The following RASSF2 variants were observed in gnomAD, a reference collection of about 807,000 sequenced individuals.
The protein encoded by RASSF2 is Ras association domain family member 2.
In RASSF2, 34 loss-of-function variants were observed where a neutral mutation model predicts 46.3. The ratio of observed to expected loss-of-function variants is 0.73; its 90% confidence interval spans 0.56 to 0.98. The LOEUF (loss-of-function observed/expected upper bound fraction) is 0.98. RASSF2 is among the 50% of genes least tolerant of loss of function. The pLI, the probability that RASSF2 is intolerant of heterozygous loss-of-function variation, is 0.00. For missense variants in RASSF2, 364 were observed against 431.2 expected (o/e 0.84, Z 1.38); for synonymous variants, 158 against 162.5 (o/e 0.97, Z 0.21).
At chr20:4,796,463 C>G (rs891173142) in intron 4 of RASSF2, among the ~76,000 whole-genome samples, 1 of 152,212 alleles carries the variant, frequency 6.6e-6, no homozygotes, top group Non-Finnish European at 1.5e-5. Flanking sequence ...ACTAGCTCCT[C>G]TAGCAGATGA....
chr20:4,804,128 A>T (rs1927139535), intron 2 of RASSF2, among the ~76,000 whole-genome samples: 1 of 152,100 alleles, frequency 6.6e-6, no homozygotes, highest in South Asian at 2.1e-4. Flanking sequence ...AGTTTTGGTA[A>T]CTTGTTACTG....
intron 3 of RASSF2, among the ~76,000 whole-genome samples, chr20:4,798,845 C>CAAAAA: frequency 7.9e-6 from 1 of 127,256 alleles, no homozygotes; most frequent in South Asian, 2.4e-4. Flanking sequence ...AACAAACAAA[C>CAAAAA]AAAAAAAAAA....
chr20:4,818,468 C>G (rs1208611615), intron 2 of RASSF2, among the ~76,000 whole-genome samples: 1 of 152,100 alleles, frequency 6.6e-6, no homozygotes. Context: ...AGTCATGGCC[C>G]GATGTGTGCT....
intron 5 of RASSF2, among the ~76,000 whole-genome samples, chr20:4,793,956 C>T (rs1159638424): frequency 2.0e-5 from 3 of 152,170 alleles, no homozygotes; most frequent in African/African-American, 7.2e-5. Flanking sequence ...CCTTTAGCAG[C>T]CCAAACCAAA....
At chr20:4,821,025 C>T (rs1275387726) in intron 2 of RASSF2, among the ~76,000 whole-genome samples, 1 of 152,172 alleles carries the variant, frequency 6.6e-6, no homozygotes, top group Non-Finnish European at 1.5e-5. Flanking sequence ...GCAGCAGATG[C>T]ACACCCTGGG....
chr20:4,795,666 T>G lies in RASSF2; in HGVS notation c.287+149A>C. 1.0e-6 allele frequency: 1 copy of G among 971,450 alleles called. No homozygotes were observed. The highest frequency in any genetic ancestry group is 1.5e-6 in the Non-Finnish European group (1 of 669,248). 60.2% of individuals were successfully genotyped at this position (971,450 alleles called of 1,614,324 possible). On this transcript the variant is annotated intron_variant, in intron 5 of 11. Coordinates refer to ENST00000379400, the MANE Select transcript of RASSF2 (RefSeq NM_014737.3). The surrounding 1 kb of genome is among the most constrained non-coding windows in gnomAD (Gnocchi z 4.0). Reference sequence around the variant, plus strand: ...ACCACATCTGCTGCTTGTTCCTCATTCCAAGGCTAAGGCAGGTGGGCAGTA... The same window carrying G: ...ACCACATCTGCTGCTTGTTCCTCATGCCAAGGCTAAGGCAGGTGGGCAGTA...
At position 4,798,091 on chromosome 20, in the gene RASSF2, G is replaced by A; in HGVS notation, c.60-6C>T. Reference sequence around the variant, plus strand: ...GATGCAAGAGAAGTTCATTTCTTAGGGGGAAAAATAGAAGAGATATAACAT... The same window carrying A: ...GATGCAAGAGAAGTTCATTTCTTAGAGGGAAAAATAGAAGAGATATAACAT... On this transcript the variant is annotated splice_polypyrimidine_tract_variant and splice_region_variant and intron_variant, in intron 3 of 11. Transcript: ENST00000379400. 1 of 1,613,444 alleles carries A rather than the reference G, an allele frequency of 6.2e-7. No individual in the cohort carries two copies. The highest frequency in any genetic ancestry group is 8.5e-7 in the Non-Finnish European group (1 of 1,179,606).
intron 10 of RASSF2, among the ~76,000 whole-genome samples, chr20:4,787,257 T>G (rs563985821): frequency 4.5e-4 from 68 of 152,156 alleles, no homozygotes; most frequent in Non-Finnish European, 8.4e-4. Context: ...TATGCTTACA[T>G]GATTTGGCCT....
intron 2 of RASSF2, among the ~76,000 whole-genome samples, chr20:4,803,328 C>A (rs1927051294): frequency 6.6e-6 from 1 of 152,134 alleles, no homozygotes; most frequent in Admixed American, 6.5e-5. Context: ...CACAGACAGC[C>A]TCTAGAAGCT....
intron 2 of RASSF2, among the ~76,000 whole-genome samples, chr20:4,819,313 G>T (rs983265294): frequency 6.6e-6 from 1 of 152,142 alleles, no homozygotes; most frequent in African/African-American, 2.4e-5. Flanking sequence ...GCCTGTCTTA[G>T]GTTGGTTTCA....
At chr20:4,810,459 G>A (rs973206511) in intron 2 of RASSF2, among the ~76,000 whole-genome samples, 3 of 152,152 alleles carry the variant, frequency 2.0e-5, no homozygotes, top group Non-Finnish European at 2.9e-5. Context: ...CTTAGGTCTT[G>A]CTTCCTCCAA....
chr20:4,816,554 C>T (rs541639171), intron 2 of RASSF2, among the ~76,000 whole-genome samples: 7 of 152,108 alleles, frequency 4.6e-5, no homozygotes, highest in Non-Finnish European at 1.0e-4. Flanking sequence ...GGTTGTACAA[C>T]GTTGTGAATG....
intron 6 of RASSF2, among the ~76,000 whole-genome samples, chr20:4,791,124 A>G (rs1348000029): frequency 2.0e-5 from 3 of 152,230 alleles, no homozygotes; most frequent in Non-Finnish European, 2.9e-5. Flanking sequence ...GATTCCACTT[A>G]TATGAGATAC....
chr20:4,795,910 C>T lies in RASSF2; in HGVS notation c.192G>A (p.Arg64=), dbSNP rs781321589. ...GLLNISWGLR[R]PIRLQMQDDN... ...CATCCTGCATCTGCAGGCGAATGGG[C>T]CGGCGCAGGCCCCAGGAGATGTTCA... The change falls in exon 5 of 12, where the codon CGG becomes CGA. Residue 64 remains arginine, a synonymous_variant. Transcript: ENST00000379400. The surrounding 1 kb of genome is among the most constrained non-coding windows in gnomAD (Gnocchi z 4.0). The T allele has an allele frequency of 1.3e-6, 2 of 1,597,666 alleles. No homozygotes were observed. The highest frequency in any genetic ancestry group is 2.2e-5 in the South Asian group (2 of 89,962).
rs552819060 is a variant in RASSF2, at chr20:4,784,686, C to G, written c.912-344G>C. On this transcript the variant is annotated intron_variant, in intron 11 of 11. Coordinates refer to ENST00000379400, the MANE Select transcript of RASSF2 (RefSeq NM_014737.3). ...GCGTTTGCTTACTATGTCCAAGACA[C>G]TATGCATAGTACTTCATATGCACAG... Among the ~76,000 whole-genome samples, 9 of 151,084 alleles carry G rather than the reference C, an allele frequency of 6.0e-5. No homozygotes were observed. In the South Asian group the frequency reaches 1.7e-3, roughly 28 times the overall value.
In RASSF2 at chr20:4,817,720, G is replaced by A. The variant is rs538133808; in HGVS notation, c.-33+4609C>T. Among the ~76,000 whole-genome samples, 3 of 152,288 alleles carry A rather than the reference G, an allele frequency of 2.0e-5. No homozygotes were observed. The South Asian group carries it at 6.2e-4, about 32-fold the overall frequency. On this transcript the variant is annotated intron_variant, in intron 2 of 11. Transcript: ENST00000379400. Reference sequence around the variant, plus strand: ...TACAAGACAGGCAGGATTATACTGGGTTAATGTCCACTGAATTCCCAGGAG... The same window carrying A: ...TACAAGACAGGCAGGATTATACTGGATTAATGTCCACTGAATTCCCAGGAG...
intron 2 of RASSF2, among the ~76,000 whole-genome samples, chr20:4,822,013 CT>C (rs1460050464): frequency 1.3e-5 from 2 of 152,232 alleles, no homozygotes; most frequent in African/African-American, 4.8e-5. Flanking sequence ...AAAATTAACT[CT>C]CCTCAAACAA....
At chr20:4,794,778 A>C (rs1926198572) in intron 5 of RASSF2, among the ~76,000 whole-genome samples, 1 of 152,178 alleles carries the variant, frequency 6.6e-6, no homozygotes, top group South Asian at 2.1e-4. Context: ...AGTTAGATGA[A>C]ACCAAAGAAC....
intron 3 of RASSF2, among the ~76,000 whole-genome samples, chr20:4,799,213 C>T (rs73893832): frequency 0.056 from 8,475 of 152,222 alleles, 743 homozygotes; most frequent in African/African-American, 0.19. Flanking sequence ...TGAAGCCCAG[C>T]ACTGGACCTC....
Sources: gnomAD v4.1 joint callset for allele counts (sites outside exome capture counted in the v4.1 genomes callset) on GRCh38, gnomAD v4.1.1 for gene constraint, Gnocchi (gnomAD v3.1) non-coding constraint, MANE v1.5 for transcripts, NCBI Gene and HGNC (gene_info 2026-07-23, HGNC 2026-07-21) for gene names.